MAPK4: variants seen among roughly 807,000 people sequenced by gnomAD.
The protein encoded by MAPK4 is Erk3-related.
MAPK4 carries 22 observed loss-of-function variants against 47.7 expected under a neutral mutation model. The ratio of observed to expected loss-of-function variants is 0.46; its 90% CI spans 0.33 to 0.66. The LOEUF is 0.66. Among genes scored for constraint, MAPK4 ranks in the 30% least tolerant of loss-of-function variants. MAPK4 has a pLI of 0.02. For missense variants in MAPK4, 736 were observed against 831.7 expected (o/e 0.88, Z 1.42); for synonymous variants, 390 against 365.7 (o/e 1.07, Z -0.76).
At chr18:50,614,561 A>G (rs1426630129) in intron 1 of MAPK4, among the ~76,000 whole-genome samples, 1 of 152,222 alleles carries the variant, frequency 6.6e-6, no homozygotes, top group Admixed American at 6.5e-5. Context: ...GTAGTTGCCA[A>G]TATAAAGGAT....
intron 1 of MAPK4, among the ~76,000 whole-genome samples, chr18:50,611,294 A>G (rs2149377422): frequency 6.6e-6 from 1 of 152,282 alleles, no homozygotes; most frequent in East Asian, 1.9e-4. Context: ...TGGAAAAGCT[A>G]TTTTATTCTG....
At chr18:50,677,443 C>T (rs1053297185) in intron 2 of MAPK4, among the ~76,000 whole-genome samples, 22 of 152,254 alleles carry the variant, frequency 1.4e-4, no homozygotes, top group Non-Finnish European at 2.4e-4. Context: ...CTGGATTATT[C>T]GGTTACTGAA....
At chr18:50,617,977 G>T (rs1270328905) in intron 1 of MAPK4, among the ~76,000 whole-genome samples, 1 of 152,174 alleles carries the variant, frequency 6.6e-6, no homozygotes. Context: ...GCTTTATTAG[G>T]AATCAGCCAT....
chr18:50,715,686 T>C lies in MAPK4; in HGVS notation c.691+463T>C, dbSNP rs530745839. ...GCATCATCTATGAAGTATGGGCCTCTCACCAGACACCAAATCTGCCAGCTC... is the reference window on the plus strand; with the variant it reads ...GCATCATCTATGAAGTATGGGCCTCCCACCAGACACCAAATCTGCCAGCTC... On this transcript the variant is annotated intron_variant, in intron 3 of 5. Coordinates refer to ENST00000400384, the MANE Select transcript of MAPK4 (RefSeq NM_002747.4). Among the ~76,000 whole-genome samples the C allele has an allele frequency of 2.6e-5, 4 of 152,332 alleles. No homozygotes were observed. In the South Asian group the frequency reaches 6.2e-4, roughly 24 times the overall value.
chr18:50,703,000 A>G (rs1180162087), intron 2 of MAPK4, among the ~76,000 whole-genome samples: 1 of 152,232 alleles, frequency 6.6e-6, no homozygotes, highest in East Asian at 1.9e-4. Flanking sequence ...TTCCCAGAAT[A>G]CAAGAGTTTC....
At position 50,729,422 on chromosome 18, in the gene MAPK4, CG is replaced by C; in HGVS notation, c.1333del (p.Asp445ThrfsTer103). ...CCTACCTGGACAAGCTGCTGTGGCGCGACAACAAGCCGCACCACTACTCGGA... is the reference window on the plus strand; with the variant it reads ...CCTACCTGGACAAGCTGCTGTGGCGCACAACAAGCCGCACCACTACTCGGA... The part of the protein sequence containing the change: ...PSYLDKLLWR[D>X]NKPHHYSEPK... On this transcript the variant is annotated frameshift_variant, in exon 6 of 6. Transcript: ENST00000400384. LOFTEE classifies it high-confidence loss of function. 1 of 1,549,348 alleles carries C rather than the reference CG, an allele frequency of 6.5e-7. No homozygotes were observed. Among genetic ancestry groups the C allele is most frequent in the South Asian group, 1.2e-5 (1 of 85,108 alleles).
Position 50,673,225 on chromosome 18 carries a change from C to T in MAPK4, c.546+8721C>T, listed in dbSNP as rs537911021. Among the ~76,000 whole-genome samples the T allele has an allele frequency of 2.9e-4, 44 of 152,278 alleles. 1 individual carries two copies. The highest frequency in any genetic ancestry group is 5.9e-4 in the Non-Finnish European group (40 of 68,022). On this transcript the variant is annotated intron_variant, in intron 2 of 5. Coordinates refer to ENST00000400384, the MANE Select transcript of MAPK4 (RefSeq NM_002747.4). ...CTGGGAGGCAGAGGTTGCCGTGAGC[C>T]GAGATTGCACCACTTCACTCCAGCC... is the stretch of plus-strand genomic sequence containing the variant.
intron 2 of MAPK4, among the ~76,000 whole-genome samples, chr18:50,695,073 C>T (rs572688395): frequency 3.9e-5 from 6 of 152,212 alleles, no homozygotes; most frequent in South Asian, 2.1e-4. Flanking sequence ...AGGCCAGGCA[C>T]GGTGGCTCAC....
chr18:50,666,452 C>T (rs544320170), intron 2 of MAPK4, among the ~76,000 whole-genome samples: 1 of 152,320 alleles, frequency 6.6e-6, no homozygotes, highest in South Asian at 2.1e-4. Flanking sequence ...GTCAGGACTG[C>T]ATCCATTCAT....
chr18:50,709,491 C>A (rs1402566507), intron 2 of MAPK4, among the ~76,000 whole-genome samples: 2 of 152,240 alleles, frequency 1.3e-5, no homozygotes, highest in Admixed American at 1.3e-4. Flanking sequence ...AAAGCAGAGA[C>A]ACACATGGCC....
intron 1 of MAPK4, among the ~76,000 whole-genome samples, chr18:50,621,820 A>C (rs191899391): frequency 1.3e-5 from 2 of 152,354 alleles, no homozygotes; most frequent in Admixed American, 6.5e-5. Flanking sequence ...TCCCATATCC[A>C]AGTACCTGCG....
intron 1 of MAPK4, among the ~76,000 whole-genome samples, chr18:50,568,052 G>A (rs576395449): frequency 6.6e-4 from 100 of 151,772 alleles, no homozygotes; most frequent in African/African-American, 2.2e-3. Flanking sequence ...AAAAATTAGC[G>A]GGGCGTGGTG....
rs549494775 is a variant in MAPK4, at chr18:50,607,342, G to A, written c.-871+47099G>A. 3.3e-5 allele frequency among the ~76,000 whole-genome samples: 5 copies of A among 152,324 alleles called. No individual in the cohort carries two copies. The South Asian group carries it at 1.0e-3, about 32-fold the overall frequency. On this transcript the variant is annotated intron_variant, in intron 1 of 5. Coordinates refer to ENST00000400384, the MANE Select transcript of MAPK4 (RefSeq NM_002747.4). ...ACGATCTCACAAATGGTTAAGTGGA[G>A]GAAGTAGGATATGAGCCCAGATCTT...
intron 1 of MAPK4, among the ~76,000 whole-genome samples, chr18:50,624,063 C>G (rs534787706): frequency 6.4e-4 from 97 of 152,364 alleles, no homozygotes; most frequent in African/African-American, 2.1e-3. Flanking sequence ...GCAATCACAT[C>G]ACCTGTCCCT....
intron 1 of MAPK4, among the ~76,000 whole-genome samples, chr18:50,562,851 A>G (rs561411229): frequency 8.5e-5 from 13 of 152,330 alleles, no homozygotes; most frequent in African/African-American, 3.1e-4. Flanking sequence ...AAAAGCCAGG[A>G]GCAAATTCCT....
chr18:50,591,623 G>T (rs1220570163), intron 1 of MAPK4, among the ~76,000 whole-genome samples: 2 of 151,560 alleles, frequency 1.3e-5, no homozygotes, highest in Non-Finnish European at 2.9e-5. Context: ...TTTCTTTGCA[G>T]TGTCTGTTTG....
chr18:50,563,513 A>G (rs1426278353), intron 1 of MAPK4, among the ~76,000 whole-genome samples: 3 of 152,326 alleles, frequency 2.0e-5, no homozygotes, highest in Non-Finnish European at 4.4e-5. Context: ...ACAGCTGTCA[A>G]GGACCTTTGT....
chr18:50,634,422 G>A (rs1325861543), intron 1 of MAPK4, among the ~76,000 whole-genome samples: 1 of 151,064 alleles, frequency 6.6e-6, no homozygotes, highest in African/African-American at 2.4e-5. Context: ...GTGGTCCATT[G>A]TCAGGACTGG....
At position 50,729,800 on chromosome 18, in the gene MAPK4, C is replaced by G. The variant is rs756646576; in HGVS notation, c.1710C>G (p.Pro570=). 4 of 1,612,444 alleles carry G rather than the reference C, an allele frequency of 2.5e-6. No individual in the cohort carries two copies. The highest frequency in any genetic ancestry group is 4.5e-5 in the East Asian group (2 of 44,838). ...GCGACCTCAATGGTGCGTGCATCCC[C>G]GAGCACCCTGGCGACCTCGTGCAGA... ...KLGDLNGACI[P]EHPGDLVQTE... The change falls in exon 6 of 6, where the codon CCC becomes CCG. Residue 570 remains proline, a synonymous_variant. Coordinates refer to ENST00000400384, the MANE Select transcript of MAPK4 (RefSeq NM_002747.4).
Sources: gnomAD v4.1 joint callset for allele counts (sites outside exome capture counted in the v4.1 genomes callset) on GRCh38, gnomAD v4.1.1 for gene constraint, MANE v1.5 for transcripts, NCBI Gene and HGNC (gene_info 2026-07-23, HGNC 2026-07-21) for gene names.